The following CLIC4 variants were observed in gnomAD, a reference collection of about 807,000 sequenced individuals.
The protein encoded by CLIC4 is chloride intracellular channel protein 4.
CLIC4 carries 13 observed loss-of-function variants against 24.6 expected under a neutral mutation model. The observed-to-expected ratio is 0.53, with a 90% CI of 0.34 to 0.84. The LOEUF (loss-of-function observed/expected upper bound fraction) is 0.84. Among genes scored for constraint, CLIC4 ranks in the 40% least tolerant of loss-of-function variants. The pLI is 0.01. For missense variants in CLIC4, 227 were observed against 301.7 expected (o/e 0.75, Z 1.83); for synonymous variants, 104 against 111.3 (o/e 0.93, Z 0.41).
At chr1:24,782,504 G>T (rs959886371) in intron 1 of CLIC4, among the ~76,000 whole-genome samples, 4 of 148,398 alleles carry the variant, frequency 2.7e-5, no homozygotes, top group African/African-American at 9.9e-5. Context: ...GCTGGTGAAT[G>T]AATAAAAAAA....
intron 1 of CLIC4, among the ~76,000 whole-genome samples, chr1:24,789,306 T>TCAGGCGAATCA (rs1639306694): frequency 6.6e-6 from 1 of 152,174 alleles, no homozygotes; most frequent in South Asian, 2.1e-4. Flanking sequence ...TCACTTGAGG[T>TCAGGCGAATCA]CAGGAGTTCA....
intron 1 of CLIC4, among the ~76,000 whole-genome samples, chr1:24,759,975 C>T (rs539658958): frequency 6.6e-6 from 1 of 152,092 alleles, no homozygotes; most frequent in Admixed American, 6.6e-5. Context: ...AAAAACCAAA[C>T]CAAAACAAAC....
intron 1 of CLIC4, chr1:24,771,912 T>C: frequency 2.0e-6 from 1 of 509,512 alleles, no homozygotes; most frequent in South Asian, 1.4e-5. Flanking sequence ...TTGGAGGTGA[T>C]GTTCAGTCCA....
chr1:24,811,070 CTCTGTCT>C (rs746059379), intron 2 of CLIC4, among the ~76,000 whole-genome samples: 33 of 100,818 alleles, frequency 3.3e-4, no homozygotes, highest in Non-Finnish European at 6.3e-4. Context: ...CAGAGTGAGA[CTCTGTCT>C]CAGGAAAAAA....
chr1:24,747,519 G>GT (rs1638715510), intron 1 of CLIC4, among the ~76,000 whole-genome samples: 1 of 111,592 alleles, frequency 9.0e-6, no homozygotes, highest in Admixed American at 1.3e-4. Context: ...GGGCAACAGA[G>GT]TAAGACTCCA....
intron 4 of CLIC4, among the ~76,000 whole-genome samples, chr1:24,838,452 A>G (rs1639907216): frequency 6.6e-6 from 1 of 152,164 alleles, no homozygotes; most frequent in African/African-American, 2.4e-5. Flanking sequence ...CCATGAAGGG[A>G]CCAAGGGCTG....
chr1:24,777,852 A>T (rs1416717447), intron 1 of CLIC4: 1 of 152,206 alleles, frequency 6.6e-6, no homozygotes, highest in Non-Finnish European at 1.5e-5. Flanking sequence ...ATTTAATCAC[A>T]CTTGTTTCTT....
chr1:24,814,688 A>G (rs961527490), intron 3 of CLIC4, among the ~76,000 whole-genome samples: 1 of 152,218 alleles, frequency 6.6e-6, no homozygotes, highest in East Asian at 1.9e-4. Context: ...CTGTGTCCCT[A>G]GGATTCAGAG....
intron 2 of CLIC4, among the ~76,000 whole-genome samples, chr1:24,798,630 T>TCCC (rs1639433452): frequency 2.0e-5 from 3 of 152,086 alleles, no homozygotes; most frequent in Non-Finnish European, 2.9e-5. Context: ...TGTATTGCTC[T>TCCC]TCCTCTCCCT....
At chr1:24,773,655 G>A (rs898764171) in intron 1 of CLIC4, among the ~76,000 whole-genome samples, 2 of 137,394 alleles carry the variant, frequency 1.5e-5, no homozygotes, top group Non-Finnish European at 3.0e-5. Context: ...AGAGTGCAGT[G>A]GTAAGATCAT....
intron 1 of CLIC4, among the ~76,000 whole-genome samples, chr1:24,751,359 G>C (rs531658716): frequency 6.6e-6 from 1 of 151,990 alleles, no homozygotes; most frequent in South Asian, 2.1e-4. Context: ...ACAGGCACCC[G>C]CCACCATGGC....
intron 1 of CLIC4, among the ~76,000 whole-genome samples, chr1:24,768,135 C>T (rs1639026035): frequency 6.6e-6 from 1 of 152,074 alleles, no homozygotes; most frequent in African/African-American, 2.4e-5. Context: ...GCCACCACGC[C>T]CAGCCAAAAT....
intron 4 of CLIC4, among the ~76,000 whole-genome samples, chr1:24,829,677 T>G (rs897376095): frequency 6.6e-6 from 1 of 152,212 alleles, no homozygotes; most frequent in Non-Finnish European, 1.5e-5. Flanking sequence ...CATTGTTGAA[T>G]GTACTCTGAG....
At chr1:24,793,792 T>C (rs976864379) in intron 1 of CLIC4, among the ~76,000 whole-genome samples, 5 of 152,110 alleles carry the variant, frequency 3.3e-5, no homozygotes, top group African/African-American at 9.7e-5. Context: ...ATAAGCCCAC[T>C]TTTTTTGTTT....
intron 1 of CLIC4, among the ~76,000 whole-genome samples, chr1:24,792,007 C>G (rs898265239): frequency 2.0e-5 from 3 of 149,656 alleles, no homozygotes; most frequent in Non-Finnish European, 4.4e-5. Context: ...CGAGATGACA[C>G]CACTGTACTC....
chr1:24,757,506 G>C (rs1446259884), intron 1 of CLIC4, among the ~76,000 whole-genome samples: 1 of 152,100 alleles, frequency 6.6e-6, no homozygotes, highest in East Asian at 1.9e-4. Flanking sequence ...TTGGGAGGCT[G>C]GGGCAGGAGG....
intron 1 of CLIC4, among the ~76,000 whole-genome samples, chr1:24,754,805 C>T (rs952363895): frequency 6.6e-6 from 1 of 152,130 alleles, no homozygotes; most frequent in African/African-American, 2.4e-5. Flanking sequence ...ACTGCCATGG[C>T]TCACACCTGT....
chr1:24,794,824 G>T (rs1232989750), intron 1 of CLIC4, among the ~76,000 whole-genome samples: 1 of 151,934 alleles, frequency 6.6e-6, no homozygotes, highest in African/African-American at 2.4e-5. Flanking sequence ...TTATAGTTTT[G>T]GGTTTTACAT....
intron 2 of CLIC4, among the ~76,000 whole-genome samples, chr1:24,799,022 T>C (rs1326317230): frequency 6.6e-6 from 1 of 152,206 alleles, no homozygotes; most frequent in Non-Finnish European, 1.5e-5. Context: ...CCGTCTGCCT[T>C]GGCCTCCCAA....
Sources: allele counts gnomAD v4.1 joint callset (sites outside exome capture counted in the v4.1 genomes callset), GRCh38; gene constraint gnomAD v4.1.1; transcripts MANE v1.5; gene names NCBI Gene and HGNC (gene_info 2026-07-23, HGNC 2026-07-21).